Variants in PPP1R8 observed in about 807,000 individuals in gnomAD.
PPP1R8 encodes the protein nuclear inhibitor of protein phosphatase 1.
PPP1R8 carries 4 observed loss-of-function variants against 31.3 expected under a neutral mutation model. The observed-to-expected ratio is 0.13, with a 90% confidence interval of 0.06 to 0.29. The LOEUF (loss-of-function observed/expected upper bound fraction) is 0.29. PPP1R8 is among the 10% of genes least tolerant of loss of function. The probability of loss-of-function intolerance (pLI) is 1.00; values close to 1 mark genes in which losing one functional copy is unlikely to be tolerated. For missense variants in PPP1R8, 254 were observed against 440.1 expected (o/e 0.58, Z 3.78); for synonymous variants, 170 against 169.7 (o/e 1.00, Z -0.01).
chr1:27,847,506 CAA>C (rs78384567), intron 6 of PPP1R8, among the ~76,000 whole-genome samples: 46 of 82,076 alleles, frequency 5.6e-4, no homozygotes, highest in Admixed American at 7.2e-4. Flanking sequence ...GACTCTGTCT[CAA>C]AAAAAAAAAA....
intron 3 of PPP1R8, among the ~76,000 whole-genome samples, chr1:27,840,224 TAC>T (rs2089210068): frequency 6.6e-6 from 1 of 152,176 alleles, no homozygotes; most frequent in Admixed American, 6.5e-5. Flanking sequence ...CGTGTGTGAA[TAC>T]AGTGTAAAAT....
At chr1:27,846,967 C>A in intron 5 of PPP1R8, 61 bp from the exon 6 acceptor site, 1 of 1,373,298 alleles carries the variant, frequency 7.3e-7, no homozygotes, top group Non-Finnish European at 1.0e-6. Context: ...GCAGTGACTC[C>A]TGTGCCCTTA....
At chr1:27,846,977 A>C (rs1449988168) in intron 5 of PPP1R8, 51 bp from the exon 6 acceptor site, 16 of 1,481,922 alleles carry the variant, frequency 1.1e-5, no homozygotes, top group Non-Finnish European at 1.5e-5. Flanking sequence ...CTGTGCCCTT[A>C]TTCCTCCCAG....
intron 3 of PPP1R8, among the ~76,000 whole-genome samples, chr1:27,839,694 G>C (rs896586597): frequency 6.6e-6 from 1 of 152,164 alleles, no homozygotes; most frequent in Non-Finnish European, 1.5e-5. Context: ...ATTGTCTTGA[G>C]GAAAATTTCA....
At position 27,841,082 on chromosome 1, in the gene PPP1R8, A is replaced by G. The variant is rs746112327; in HGVS notation, c.340A>G (p.Thr114Ala). Residue 114 changes from threonine (T) to alanine (A), a missense_variant, in exon 4 of 7, where the codon ACG (threonine) becomes GCG (alanine). Physicochemically the swap from Thr to Ala is moderately conservative, Grantham distance 58. Transcript: ENST00000311772. ...GCCTCAGCAAATTCCCATCGATTCC[A>G]CGGTCTCATTTGGCGCATCCACAAG... ...HKPQQIPIDS[T>A]VSFGASTRAY... 12 of 1,614,024 alleles carry G rather than the reference A, an allele frequency of 7.4e-6. No individual in the cohort carries two copies. Among genetic ancestry groups the G allele is most frequent in the Non-Finnish European group, 7.6e-6 (9 of 1,180,022 alleles).
At chr1:27,836,999 T>C (rs1165729159) in intron 2 of PPP1R8, among the ~76,000 whole-genome samples, 1 of 152,222 alleles carries the variant, frequency 6.6e-6, no homozygotes, top group East Asian at 1.9e-4. Flanking sequence ...AGCAATCTTA[T>C]TACAATTTTT....
intron 2 of PPP1R8, among the ~76,000 whole-genome samples, chr1:27,837,377 G>A (rs1009754807): frequency 1.3e-5 from 2 of 151,256 alleles, no homozygotes; most frequent in African/African-American, 4.9e-5. Flanking sequence ...CTTGTAGTGA[G>A]CCGAGATCAC....
intron 2 of PPP1R8, among the ~76,000 whole-genome samples, chr1:27,837,294 G>A (rs1219501403): frequency 6.6e-6 from 1 of 151,746 alleles, no homozygotes; most frequent in Non-Finnish European, 1.5e-5. Context: ...AGCTGGGCGT[G>A]GTGGCACACG....
At chr1:27,837,066 CTT>C (rs1440319063) in intron 2 of PPP1R8, among the ~76,000 whole-genome samples, 2 of 152,136 alleles carry the variant, frequency 1.3e-5, no homozygotes, top group Non-Finnish European at 2.9e-5. Context: ...CATTGTGCTT[CTT>C]GTTTCCTAAT....
At chr1:27,849,451 T>G (rs2089318751) in intron 6 of PPP1R8, among the ~76,000 whole-genome samples, 1 of 151,938 alleles carries the variant, frequency 6.6e-6, no homozygotes, top group Non-Finnish European at 1.5e-5. Context: ...GTAAAATATC[T>G]ATTGCCATCT....
intron 1 of PPP1R8, 143 bp downstream of exon 1, chr1:27,831,034 G>T (rs949161675): frequency 7.1e-7 from 1 of 1,399,466 alleles, no homozygotes; most frequent in Non-Finnish European, 9.3e-7. Context: ...TTGCTGCACC[G>T]GGCCGGGCGA....
chr1:27,843,846 A>G (rs2089246144), intron 5 of PPP1R8, among the ~76,000 whole-genome samples: 1 of 151,908 alleles, frequency 6.6e-6, no homozygotes, highest in South Asian at 2.1e-4. Context: ...CCAGCTACTC[A>G]GGAAGCTGAG....
At chr1:27,849,101 C>G (rs1242752569) in intron 6 of PPP1R8, among the ~76,000 whole-genome samples, 1 of 152,070 alleles carries the variant, frequency 6.6e-6, no homozygotes, top group Admixed American at 6.6e-5. Context: ...GTCGGGCGTG[C>G]TGGGTCACGC....
chr1:27,849,535 C>T (rs888017299), intron 6 of PPP1R8, among the ~76,000 whole-genome samples: 7 of 151,996 alleles, frequency 4.6e-5, no homozygotes, highest in African/African-American at 1.7e-4. Context: ...CTTACTCTGT[C>T]ACCCAGGCTG....
Position 27,838,789 on chromosome 1 carries a change from G to A in PPP1R8, c.208G>A (p.Val70Ile), listed in dbSNP as rs746581137. 2.4e-5 allele frequency: 39 copies of A among 1,612,944 alleles called. No homozygotes were observed. Among genetic ancestry groups the A allele is most frequent in the Middle Eastern group, 1.6e-4 (1 of 6,080 alleles). ...FTIDHQSCSR[V>I]HAALVYHKHL... Reference sequence around the variant, plus strand: ...CATTGACCACCAGTCTTGCTCTCGGGTCCATGCTGCACTTGTCTACCACAA... The same window carrying A: ...CATTGACCACCAGTCTTGCTCTCGGATCCATGCTGCACTTGTCTACCACAA... The change falls in exon 3 of 7, where the codon GTC (valine) becomes ATC (isoleucine). Residue 70 changes from valine (V) to isoleucine (I), a missense_variant. Val to Ile is a conservative substitution (Grantham distance 29, BLOSUM62 3). Coordinates refer to ENST00000311772, the MANE Select transcript of PPP1R8 (RefSeq NM_014110.5).
chr1:27,841,158 G>A lies in PPP1R8; in HGVS notation c.416G>A (p.Gly139Glu). The change falls in exon 4 of 7, where the codon GGA becomes GAA. Residue 139 changes from glycine (G) to glutamate (E), a missense_variant. Around this residue, in one of 6 missense-constraint regions of PPP1R8, gnomAD observed 27 missense variants for 26.7 expected, o/e 1.01. Transcript: ENST00000311772. ...CAGACATTGCCATCGGCTGTGAAAG[G>A]AGATGAGAAGATGGGTGGAGAGGAT... ...KPQTLPSAVK[G>E]DEKMGGEDDE... 6.2e-7 allele frequency: 1 copy of A among 1,614,228 alleles called. No homozygotes were observed. The highest frequency in any genetic ancestry group is 8.5e-7 in the Non-Finnish European group (1 of 1,180,046).
intron 3 of PPP1R8, among the ~76,000 whole-genome samples, chr1:27,839,824 C>T (rs1483435510): frequency 6.6e-6 from 1 of 151,914 alleles, no homozygotes; most frequent in African/African-American, 2.4e-5. Flanking sequence ...TTTGGGAGGC[C>T]GATGTCAGTG....
At chr1:27,839,400 T>C (rs918716428) in intron 3 of PPP1R8, among the ~76,000 whole-genome samples, 1 of 151,536 alleles carries the variant, frequency 6.6e-6, no homozygotes, top group African/African-American at 2.4e-5. Flanking sequence ...TGGCGGCGGG[T>C]GCCTGTAATT....
intron 3 of PPP1R8, among the ~76,000 whole-genome samples, chr1:27,839,832 G>A (rs1166003259): frequency 1.3e-5 from 2 of 152,126 alleles, no homozygotes; most frequent in African/African-American, 4.8e-5. Context: ...GCCGATGTCA[G>A]TGAATCTCTC....
Sources: allele counts gnomAD v4.1 joint callset (sites outside exome capture counted in the v4.1 genomes callset), GRCh38; gene constraint gnomAD v4.1.1; regional missense constraint gnomAD v4.1.1; transcripts MANE v1.5; gene names NCBI Gene and HGNC (gene_info 2026-07-23, HGNC 2026-07-21).